Variants in MTUS2 observed in about 807,000 individuals in gnomAD.
MTUS2 encodes the protein microtubule associated scaffold protein 2, also known as microtubule-associated tumor suppressor candidate 2.
In MTUS2, 40 loss-of-function variants were observed where a neutral mutation model predicts 114.1. That is an observed-to-expected ratio of 0.35 (90% CI 0.27 to 0.46). The LOEUF (loss-of-function observed/expected upper bound fraction) is 0.46, where lower values mean the gene tolerates loss of function less well. Among genes scored for constraint, MTUS2 ranks in the 20% least tolerant of loss-of-function variants. MTUS2 has a pLI of 1.00. For missense variants in MTUS2, 1,679 were observed against 1,705.4 expected (o/e 0.98, Z 0.27); for synonymous variants, 688 against 672.0 (o/e 1.02, Z -0.37).
chr13:29,101,793 A>T (rs1890429547), intron 5 of MTUS2, among the ~76,000 whole-genome samples: 1 of 152,228 alleles, frequency 6.6e-6, no homozygotes, highest in South Asian at 2.1e-4. Flanking sequence ...AGTTGAATCA[A>T]GCTGGAATAA....
intron 2 of MTUS2, among the ~76,000 whole-genome samples, chr13:28,970,627 C>T (rs1430458816): frequency 2.0e-5 from 3 of 152,220 alleles, no homozygotes; most frequent in African/African-American, 7.2e-5. Flanking sequence ...AAGGCTTGAC[C>T]TTACTGTGAA....
At chr13:29,427,423 A>G (rs1876630257) in intron 8 of MTUS2, among the ~76,000 whole-genome samples, 1 of 152,202 alleles carries the variant, frequency 6.6e-6, no homozygotes, top group Non-Finnish European at 1.5e-5. Context: ...TGAATTGAAG[A>G]TCCTTATGCA....
In MTUS2 at chr13:29,324,319, G is replaced by T. The variant is rs539921581; in HGVS notation, c.2807-294G>T. 3.9e-5 allele frequency among the ~76,000 whole-genome samples: 6 copies of T among 152,220 alleles called. No individual in the cohort carries two copies. In the South Asian group the frequency reaches 1.2e-3, roughly 32 times the overall value. On this transcript the variant is annotated intron_variant, in intron 6 of 15. Transcript: ENST00000612955. ...TAAAATTTTAATTCCCAGATAGTTT[G>T]GTCAGGGTCATTGGGGTGGCAGTGA...
At chr13:29,330,837 G>A (rs1227242045) in intron 7 of MTUS2, among the ~76,000 whole-genome samples, 1 of 152,136 alleles carries the variant, frequency 6.6e-6, no homozygotes, top group Non-Finnish European at 1.5e-5. Context: ...GGTTACTGTA[G>A]CATTATAGTA....
intron 6 of MTUS2, among the ~76,000 whole-genome samples, chr13:29,283,284 A>G (rs4341627): frequency 0.6 from 90,903 of 151,916 alleles, 27,611 homozygotes; most frequent in East Asian, 0.86. Context: ...GGCTCATTTA[A>G]TTTTGTTCTT....
At position 29,389,473 on chromosome 13, in the gene MTUS2, G is replaced by A. The variant is rs571424247; in HGVS notation, c.3117+30000G>A. On this transcript the variant is annotated intron_variant, in intron 8 of 15. Transcript: ENST00000612955. ...TATACACGTGTGTGTATGTGTATAT[G>A]TATACACGTGTGTGTATGTGTATAT... 2.8e-3 allele frequency among the ~76,000 whole-genome samples: 404 copies of A among 142,796 alleles called. 31 individuals carry two copies. The highest frequency in any genetic ancestry group is 9.8e-3 in the African/African-American group (372 of 37,980). 93.7% of individuals were successfully genotyped at this position (142,796 alleles called of 152,430 possible). A position where few individuals can be genotyped will look rare whatever the true frequency, so the allele number is the denominator to read the frequency against.
chr13:29,145,673 C>T (rs2139018579), intron 5 of MTUS2, among the ~76,000 whole-genome samples: 1 of 151,866 alleles, frequency 6.6e-6, no homozygotes, highest in South Asian at 2.1e-4. Flanking sequence ...ACCCCACCCA[C>T]CCCTGCCACC....
intron 4 of MTUS2, among the ~76,000 whole-genome samples, chr13:29,048,179 A>G (rs760311727): frequency 6.6e-6 from 1 of 152,106 alleles, no homozygotes; most frequent in African/African-American, 2.4e-5. Flanking sequence ...TGTATTTTTC[A>G]TCTCAAACAT....
intron 4 of MTUS2, among the ~76,000 whole-genome samples, chr13:29,048,884 G>T (rs540096950): frequency 1.3e-5 from 2 of 152,156 alleles, no homozygotes; most frequent in African/African-American, 4.8e-5. Flanking sequence ...CCAAAGTGCT[G>T]GGATTACAGG....
chr13:29,329,548 A>G (rs550758721), intron 7 of MTUS2, among the ~76,000 whole-genome samples: 6 of 150,588 alleles, frequency 4.0e-5, no homozygotes, highest in Admixed American at 4.0e-4. Context: ...ACTGATGGGT[A>G]TTTGGGTTGA....
intron 2 of MTUS2, among the ~76,000 whole-genome samples, chr13:28,901,276 T>C (rs1879628264): frequency 6.6e-6 from 1 of 152,234 alleles, no homozygotes; most frequent in Non-Finnish European, 1.5e-5. Flanking sequence ...CATTTTCAAA[T>C]ATGTGGTTTG....
chr13:28,949,780 C>T (rs773938636), intron 2 of MTUS2, among the ~76,000 whole-genome samples: 1 of 152,274 alleles, frequency 6.6e-6, no homozygotes, highest in Non-Finnish European at 1.5e-5. Flanking sequence ...ATAGAATGTG[C>T]CAGGATTTCC....
chr13:29,316,566 C>T (rs908701089), intron 6 of MTUS2, among the ~76,000 whole-genome samples: 4 of 152,160 alleles, frequency 2.6e-5, no homozygotes, highest in African/African-American at 4.8e-5. Context: ...TGGAATCAGA[C>T]TCTACTTGGA....
chr13:29,333,715 G>C (rs1900911143), intron 7 of MTUS2, among the ~76,000 whole-genome samples: 1 of 152,178 alleles, frequency 6.6e-6, no homozygotes, highest in Non-Finnish European at 1.5e-5. Context: ...GTTTGGTCCA[G>C]AGCTGAGTTC....
At chr13:29,019,127 C>G (rs950554417) in intron 2 of MTUS2, among the ~76,000 whole-genome samples, 23 of 152,064 alleles carry the variant, frequency 1.5e-4, no homozygotes, top group African/African-American at 5.6e-4. Flanking sequence ...TCATGAGAGG[C>G]AACGTTACAA....
chr13:29,168,943 C>G (rs1893438304), intron 5 of MTUS2, among the ~76,000 whole-genome samples: 1 of 97,204 alleles, frequency 1.0e-5, no homozygotes, highest in African/African-American at 3.7e-5. Flanking sequence ...ATGCCAGTAT[C>G]ATTTCTAGGT....
At chr13:29,278,298 T>G (rs1185679372) in intron 5 of MTUS2, among the ~76,000 whole-genome samples, 1 of 152,170 alleles carries the variant, frequency 6.6e-6, no homozygotes, top group Non-Finnish European at 1.5e-5. Context: ...TGCATTAAAA[T>G]GAGAAAGTTC....
At chr13:29,135,756 C>G (rs1437708949) in intron 5 of MTUS2, among the ~76,000 whole-genome samples, 1 of 152,024 alleles carries the variant, frequency 6.6e-6, no homozygotes, top group Non-Finnish European at 1.5e-5. Context: ...AGTTATAACA[C>G]TCTAATTTAA....
At chr13:29,230,326 A>C (rs2139357340) in intron 5 of MTUS2, among the ~76,000 whole-genome samples, 1 of 152,342 alleles carries the variant, frequency 6.6e-6, no homozygotes, top group East Asian at 1.9e-4. Context: ...ATAACTAAAA[A>C]TCAAGAGAGA....
Sources: allele counts gnomAD v4.1 joint callset (sites outside exome capture counted in the v4.1 genomes callset), GRCh38; gene constraint gnomAD v4.1.1; transcripts MANE v1.5; gene names NCBI Gene and HGNC (gene_info 2026-07-23, HGNC 2026-07-21).